DOCK3: variants seen among roughly 807,000 people sequenced by gnomAD.
DOCK3 encodes the protein dedicator of cytokinesis 3, also known as dedicator of cytokinesis protein 3.
A neutral mutation model predicts 265.6 loss-of-function variants in DOCK3; 60 were observed. That is an observed-to-expected ratio of 0.23 (90% CI 0.18 to 0.28). The LOEUF is 0.28. Ranked by LOEUF, DOCK3 falls within the 10% of genes least tolerant of loss-of-function variation. The pLI, the probability that DOCK3 is intolerant of heterozygous loss-of-function variation, is 1.00. For missense variants in DOCK3, 1,981 were observed against 2,594.3 expected (o/e 0.76, Z 5.14); for synonymous variants, 881 against 938.0 (o/e 0.94, Z 1.11).
At chr3:51,131,401 C>T (rs2084532175) in intron 9 of DOCK3, among the ~76,000 whole-genome samples, 1 of 152,074 alleles carries the variant, frequency 6.6e-6, no homozygotes, top group African/African-American at 2.4e-5. Context: ...CCGGAGGTCT[C>T]CTTGGGGAAG....
intron 48 of DOCK3, 98 bp from the exon 49 acceptor site, chr3:51,362,429 G>A (rs2086803129): frequency 7.4e-6 from 11 of 1,494,168 alleles, no homozygotes; most frequent in African/African-American, 1.4e-5. Context: ...TAAGGCACTG[G>A]GGCAGAACAC....
At chr3:51,123,602 A>G (rs1386614556) in intron 9 of DOCK3, among the ~76,000 whole-genome samples, 1 of 152,152 alleles carries the variant, frequency 6.6e-6, no homozygotes, top group Non-Finnish European at 1.5e-5. Flanking sequence ...TGTCTCACAC[A>G]TGAGGGGTCA....
intron 5 of DOCK3, among the ~76,000 whole-genome samples, chr3:50,947,397 G>A (rs960715117): frequency 1.3e-5 from 2 of 151,954 alleles, no homozygotes; most frequent in East Asian, 1.9e-4. Flanking sequence ...TAGATTTTCA[G>A]TGTGAAGTAA....
intron 19 of DOCK3, among the ~76,000 whole-genome samples, chr3:51,233,533 T>C (rs1037310216): frequency 1.3e-5 from 2 of 151,758 alleles, no homozygotes; most frequent in Non-Finnish European, 1.5e-5. Flanking sequence ...GCCTGGCTAA[T>C]TTTTTTTGTA....
intron 1 of DOCK3, among the ~76,000 whole-genome samples, chr3:50,709,716 C>T (rs1474053125): frequency 1.3e-5 from 2 of 152,114 alleles, no homozygotes; most frequent in African/African-American, 4.8e-5. Context: ...ATCCCAGCTA[C>T]TTGGGAGGCT....
chr3:51,021,611 C>T (rs1366957592), intron 5 of DOCK3, among the ~76,000 whole-genome samples: 2 of 149,940 alleles, frequency 1.3e-5, no homozygotes, highest in Admixed American at 6.6e-5. Context: ...CCTTCTAGAA[C>T]TTTGATTAGA....
chr3:50,715,273 C>T (rs532264341), intron 1 of DOCK3, among the ~76,000 whole-genome samples: 3 of 152,132 alleles, frequency 2.0e-5, no homozygotes, highest in Non-Finnish European at 4.4e-5. Context: ...GTAGGCCAGG[C>T]GTGGTGGCGG....
At chr3:50,949,744 GT>G (rs1005096044) in intron 5 of DOCK3, among the ~76,000 whole-genome samples, 1 of 151,950 alleles carries the variant, frequency 6.6e-6, no homozygotes, top group African/African-American at 2.4e-5. Flanking sequence ...CAAGTTTTTA[GT>G]GGTAAAGCCA....
chr3:51,355,973 G>A lies in DOCK3; in HGVS notation c.4250-116G>A, dbSNP rs1576917730. ...GAGATGCCACTGCCTCCCCTACTGG[G>A]CTGTCAGTAAGGAGCAGGGACTATG... On this transcript the variant is annotated intron_variant, in intron 41 of 52. Transcript: ENST00000266037. 3 of 1,315,012 alleles carry A rather than the reference G, an allele frequency of 2.3e-6. No individual in the cohort carries two copies. The East Asian group carries it at 7.0e-5, about 31-fold the overall frequency. The allele number at this position is 1,315,012 out of a possible 1,614,324, so 81.5% of individuals were successfully genotyped here. A position where few individuals can be genotyped will look rare whatever the true frequency, so the allele number is the denominator to read the frequency against.
chr3:51,201,013 T>A (rs1487648786), intron 12 of DOCK3, among the ~76,000 whole-genome samples: 1 of 151,280 alleles, frequency 6.6e-6, no homozygotes, highest in Non-Finnish European at 1.5e-5. Context: ...CTAAAAGAGC[T>A]CCTGAGGGAA....
chr3:50,938,043 A>G (rs776238161), intron 5 of DOCK3, among the ~76,000 whole-genome samples: 3 of 152,088 alleles, frequency 2.0e-5, no homozygotes, highest in Non-Finnish European at 4.4e-5. Flanking sequence ...AGAAAAATAT[A>G]TACTATGCAA....
intron 41 of DOCK3, among the ~76,000 whole-genome samples, chr3:51,355,237 A>G (rs2086285232): frequency 6.6e-6 from 1 of 152,352 alleles, no homozygotes; most frequent in African/African-American, 2.4e-5. Context: ...TGGGTGGTCT[A>G]GTTATCAGTG....
chr3:50,889,970 T>A (rs577924655), intron 3 of DOCK3, 56 bp from the exon 4 acceptor site: 6 of 1,307,096 alleles, frequency 4.6e-6, no homozygotes, highest in Non-Finnish European at 5.9e-6. Context: ...TTTGTATATA[T>A]GAAATGTTAA....
At chr3:51,014,033 T>C (rs1212745808) in intron 5 of DOCK3, among the ~76,000 whole-genome samples, 2 of 152,170 alleles carry the variant, frequency 1.3e-5, no homozygotes, top group African/African-American at 4.8e-5. Flanking sequence ...GTGCAGTGTT[T>C]AGGTGGCAGT....
chr3:50,819,647 C>T (rs965409859), intron 2 of DOCK3, among the ~76,000 whole-genome samples: 4 of 152,168 alleles, frequency 2.6e-5, no homozygotes, highest in African/African-American at 4.8e-5. Flanking sequence ...GACACTCCCA[C>T]CAGTGCCATG....
chr3:51,091,682 C>CAA lies in DOCK3; in HGVS notation c.746+1317_746+1318dup, dbSNP rs36008191. ...CAGCTGACAGTGTGAGACTTGGTCT[C>CAA]AAAAAAAAAAAAAAAAAAAAGATGG... On this transcript the variant is annotated intron_variant, in intron 9 of 52. Coordinates refer to ENST00000266037, the MANE Select transcript of DOCK3 (RefSeq NM_004947.5). 6.3e-3 allele frequency among the ~76,000 whole-genome samples: 645 copies of CAA among 101,692 alleles called. 12 individuals carry two copies. Among genetic ancestry groups the CAA allele is most frequent in the South Asian group, 0.018 (49 of 2,726 alleles). The allele number at this position is 101,692 out of a possible 152,430, so 66.7% of individuals were successfully genotyped here. A position where few individuals can be genotyped will look rare whatever the true frequency, so the allele number is the denominator to read the frequency against.
intron 14 of DOCK3, among the ~76,000 whole-genome samples, chr3:51,217,410 T>G (rs1156697050): frequency 6.6e-6 from 1 of 152,190 alleles, no homozygotes; most frequent in Non-Finnish European, 1.5e-5. Context: ...TCATGACCCA[T>G]GATAATGAGC....
intron 1 of DOCK3, among the ~76,000 whole-genome samples, chr3:50,735,732 GCC>G (rs1342225534): frequency 6.6e-6 from 1 of 151,948 alleles, no homozygotes; most frequent in East Asian, 1.9e-4. Flanking sequence ...TATTATATTA[GCC>G]TGTTCTTGCA....
intron 27 of DOCK3, among the ~76,000 whole-genome samples, chr3:51,293,831 C>T (rs575010190): frequency 6.6e-6 from 1 of 152,248 alleles, no homozygotes; most frequent in Non-Finnish European, 1.5e-5. Flanking sequence ...TAAAAGAAGA[C>T]ATCAGATATA....
Sources: allele counts gnomAD v4.1 joint callset (sites outside exome capture counted in the v4.1 genomes callset), GRCh38; gene constraint gnomAD v4.1.1; transcripts MANE v1.5; gene names NCBI Gene and HGNC (gene_info 2026-07-23, HGNC 2026-07-21).